Variants in STARD13 observed in about 807,000 individuals in gnomAD.
STARD13 encodes the protein StAR related lipid transfer domain containing 13.
A neutral mutation model predicts 106.4 loss-of-function variants in STARD13; 62 were observed. The ratio of observed to expected loss-of-function variants is 0.58; its 90% CI spans 0.48 to 0.72. The LOEUF (loss-of-function observed/expected upper bound fraction) is 0.72, where lower values mean the gene tolerates loss of function less well. Ranked by LOEUF, STARD13 falls within the 30% of genes least tolerant of loss-of-function variation. STARD13 has a pLI of 0.00. For synonymous variants in STARD13, 565 were observed against 553.0 expected, an observed-to-expected ratio of 1.02 and a Z score of -0.31; for missense variants, 1,387 against 1,424.0, an observed-to-expected ratio of 0.97 and a Z score of 0.42.
Position 33,141,389 on chromosome 13 carries a change from G to C in STARD13, c.387+921C>G, listed in dbSNP as rs80051036. 4.6e-5 allele frequency among the ~76,000 whole-genome samples: 7 copies of C among 152,204 alleles called. No homozygotes were observed. In the East Asian group the frequency reaches 1.3e-3, roughly 29 times the overall value. ...CTCAGCGGATTAAATGAGATAATGTGTGGTAAGTACATAATCTAGTTCCTA... is the reference window on the plus strand; with the variant it reads ...CTCAGCGGATTAAATGAGATAATGTCTGGTAAGTACATAATCTAGTTCCTA... On this transcript the variant is annotated intron_variant, in intron 4 of 13. Coordinates refer to ENST00000336934, the MANE Select transcript of STARD13 (RefSeq NM_178006.4).
chr13:33,490,131 C>T, the STARD13 span, among the ~76,000 whole-genome samples: 1 of 152,130 alleles, frequency 6.6e-6, no homozygotes, highest in African/African-American at 2.4e-5. Context: ...CAATAGTTTA[C>T]AACCTGATTT....
intron 1 of STARD13, among the ~76,000 whole-genome samples, chr13:33,262,442 TG>T (rs1890684958): frequency 6.6e-6 from 1 of 152,160 alleles, no homozygotes; most frequent in Non-Finnish European, 1.5e-5. Context: ...TTAGATATGA[TG>T]GGGGCTCTAA....
chr13:33,399,033 A>G, the STARD13 span, among the ~76,000 whole-genome samples: 4 of 152,308 alleles, frequency 2.6e-5, no homozygotes, highest in African/African-American at 9.6e-5. Context: ...GTTATAATCT[A>G]TCCATAGAAA....
chr13:33,629,181 C>T, the STARD13 span, among the ~76,000 whole-genome samples: 1 of 152,158 alleles, frequency 6.6e-6, no homozygotes, highest in Admixed American at 6.5e-5. Flanking sequence ...GGGCCAAACG[C>T]CATAGGAAAG....
At chr13:33,410,164 G>A in the STARD13 span, among the ~76,000 whole-genome samples, 1 of 152,222 alleles carries the variant, frequency 6.6e-6, no homozygotes, top group African/African-American at 2.4e-5. Context: ...GGTTGTGTGT[G>A]CCTCTCCTTT....
chr13:33,168,513 TC>T (rs1255885253), intron 1 of STARD13, among the ~76,000 whole-genome samples: 5 of 152,086 alleles, frequency 3.3e-5, no homozygotes, highest in Non-Finnish European at 7.4e-5. Context: ...CAAATATGAA[TC>T]CAAGGGGAAA....
At chr13:33,477,869 A>G in the STARD13 span, among the ~76,000 whole-genome samples, 16 of 151,514 alleles carry the variant, frequency 1.1e-4, no homozygotes, top group Middle Eastern at 3.4e-3. Context: ...AGAAAGTTAC[A>G]TTTGTCTTAT....
intron 3 of STARD13, among the ~76,000 whole-genome samples, chr13:33,142,941 G>A (rs1207278438): frequency 6.6e-6 from 1 of 152,128 alleles, no homozygotes; most frequent in Non-Finnish European, 1.5e-5. Context: ...AGTGATTAAG[G>A]GTAAAGGGGT....
Position 33,327,290 on chromosome 13 carries a change from A to G in STARD13, c.124+23000T>C, listed in dbSNP as rs186141516. 2.3e-4 allele frequency among the ~76,000 whole-genome samples: 35 copies of G among 152,250 alleles called. No homozygotes were observed. In the East Asian group the frequency reaches 3.1e-3, roughly 13 times the overall value. ...TTTTAAATGCTGGCCAGCTTGAAAT[A>G]TTTTCCAAATGCTATTTTGAGTACA... is the stretch of plus-strand genomic sequence containing the variant. On this transcript the variant is annotated intron_variant, in intron 1 of 5. Coordinates refer to the STARD13 transcript ENST00000567873.
chr13:33,535,552 T>C, the STARD13 span, among the ~76,000 whole-genome samples: 14 of 152,150 alleles, frequency 9.2e-5, no homozygotes, highest in Non-Finnish European at 1.9e-4. Flanking sequence ...AAAACATCAA[T>C]TAATTGTTTT....
At chr13:33,349,893 T>C (rs565598294) in intron 1 of STARD13, among the ~76,000 whole-genome samples, 1 of 152,260 alleles carries the variant, frequency 6.6e-6, no homozygotes, top group African/African-American at 2.4e-5. Flanking sequence ...GAAGGCGAAG[T>C]TGGGAAGGGG....
chr13:33,533,212 T>C, the STARD13 span, among the ~76,000 whole-genome samples: 1 of 152,104 alleles, frequency 6.6e-6, no homozygotes, highest in African/African-American at 2.4e-5. Context: ...TTCTACCTAG[T>C]AAGACCCTGG....
intron 1 of STARD13, among the ~76,000 whole-genome samples, chr13:33,311,639 G>A (rs545974646): frequency 5.3e-5 from 8 of 152,270 alleles, no homozygotes; most frequent in Admixed American, 2.6e-4. Context: ...TCTTATTTAC[G>A]TATTTCATCA....
the STARD13 span, among the ~76,000 whole-genome samples, chr13:33,609,085 C>CAAAAAAAAA: frequency 2.4e-4 from 12 of 50,530 alleles, no homozygotes; most frequent in East Asian, 1.8e-3. Flanking sequence ...GACTCCGTCT[C>CAAAAAAAAA]AAAAAAAAAA....
the STARD13 span, among the ~76,000 whole-genome samples, chr13:33,639,213 T>G: frequency 1.3e-5 from 2 of 151,370 alleles, no homozygotes; most frequent in African/African-American, 4.9e-5. Flanking sequence ...CAGGAGGAGG[T>G]TGCTTAAGTT....
chr13:33,435,043 G>A, the STARD13 span, among the ~76,000 whole-genome samples: 1 of 152,128 alleles, frequency 6.6e-6, no homozygotes, highest in African/African-American at 2.4e-5. Flanking sequence ...GAGCAGAGAA[G>A]GATTTTTAAA....
At position 33,130,806 on chromosome 13, in the gene STARD13, A is replaced by C. The variant is rs1416111663; in HGVS notation, c.388-517T>G. ...AACACTCCTTATTTTAGTCCCCTGC[A>C]CTTGATTCTTATCGTGTATTCCCTG... On this transcript the variant is annotated intron_variant, in intron 4 of 13. Coordinates refer to ENST00000336934, the MANE Select transcript of STARD13 (RefSeq NM_178006.4). This position sits in a 1 kb window ranked among gnomAD's most constrained non-coding sequence, Gnocchi z 4.1. Among the ~76,000 whole-genome samples, 1 of 152,214 alleles carries C rather than the reference A, an allele frequency of 6.6e-6. No individual in the cohort carries two copies. The highest frequency in any genetic ancestry group is 2.4e-5 in the African/African-American group (1 of 41,468).
chr13:33,268,911 G>T (rs141720090), intron 1 of STARD13, among the ~76,000 whole-genome samples: 40 of 152,322 alleles, frequency 2.6e-4, no homozygotes, highest in Admixed American at 5.2e-4. Context: ...TAAACCAAAG[G>T]CTGCCAGGAA....
chr13:33,674,752 A>AT, the STARD13 span, among the ~76,000 whole-genome samples: 4 of 152,132 alleles, frequency 2.6e-5, no homozygotes, highest in Admixed American at 6.5e-5. Flanking sequence ...TTTTCTGGTG[A>AT]TTTTTTTTCT....
Sources: gnomAD v4.1 joint callset for allele counts (sites outside exome capture counted in the v4.1 genomes callset) on GRCh38, gnomAD v4.1.1 for gene constraint, Gnocchi (gnomAD v3.1) non-coding constraint, MANE v1.5 for transcripts, NCBI Gene and HGNC (gene_info 2026-07-23, HGNC 2026-07-21) for gene names.